GRIK4: variants seen among roughly 807,000 people sequenced by gnomAD.
The protein encoded by GRIK4 is glutamate receptor ionotropic, kainate 4.
GRIK4 carries 40 observed loss-of-function variants against 104.9 expected under a neutral mutation model. That is an observed-to-expected ratio of 0.38 (90% CI 0.30 to 0.50). GRIK4 has a LOEUF of 0.50. Among genes scored for constraint, GRIK4 ranks in the 20% least tolerant of loss-of-function variants. GRIK4 has a pLI of 0.93. For synonymous variants in GRIK4, 485 were observed against 524.9 expected (o/e 0.92, Z 1.04); for missense variants, 1,047 against 1,308.1 (o/e 0.80, Z 3.08).
At chr11:120,753,733 G>C (rs1565333051) in intron 3 of GRIK4, among the ~76,000 whole-genome samples, 1 of 152,156 alleles carries the variant, frequency 6.6e-6, no homozygotes, top group South Asian at 2.1e-4. Flanking sequence ...AGAGGCTTGA[G>C]AATAACGAAG....
intron 19 of GRIK4, among the ~76,000 whole-genome samples, chr11:120,978,843 A>G (rs964172550): frequency 1.3e-5 from 2 of 152,184 alleles, no homozygotes; most frequent in Admixed American, 1.3e-4. Flanking sequence ...GAAGAGAGCA[A>G]TGAGCAATGG....
intron 11 of GRIK4, among the ~76,000 whole-genome samples, chr11:120,889,775 TC>T (rs1379424292): frequency 6.6e-6 from 1 of 151,924 alleles, no homozygotes; most frequent in Non-Finnish European, 1.5e-5. Context: ...TGATTAATTT[TC>T]TGTTTTTAGT....
chr11:120,911,386 G>A (rs1380667551), intron 13 of GRIK4, among the ~76,000 whole-genome samples: 11 of 149,650 alleles, frequency 7.4e-5, no homozygotes, highest in East Asian at 2.0e-4. Flanking sequence ...CTACAGGCGC[G>A]CGCCACCATG....
chr11:120,573,803 C>G (rs1948437059), intron 1 of GRIK4, among the ~76,000 whole-genome samples: 1 of 152,160 alleles, frequency 6.6e-6, no homozygotes, highest in Non-Finnish European at 1.5e-5. Flanking sequence ...GCTCAGGGAC[C>G]CTCTCCCAGC....
intron 3 of GRIK4, among the ~76,000 whole-genome samples, chr11:120,727,346 T>C (rs1050039622): frequency 6.6e-6 from 1 of 151,980 alleles, no homozygotes; most frequent in African/African-American, 2.4e-5. Context: ...CAGATAAAAG[T>C]TGGGGAGGGG....
chr11:120,915,563 G>A (rs935197361), intron 13 of GRIK4, among the ~76,000 whole-genome samples: 12 of 152,000 alleles, frequency 7.9e-5, no homozygotes, highest in Non-Finnish European at 1.2e-4. Flanking sequence ...CCAACCGTGC[G>A]AGCCCAGCCA....
intron 1 of GRIK4, among the ~76,000 whole-genome samples, chr11:120,554,613 C>T (rs901668430): frequency 2.0e-5 from 3 of 151,138 alleles, no homozygotes; most frequent in Non-Finnish European, 2.9e-5. Context: ...GGCTGGAGTT[C>T]AGTGGCGCGA....
intron 3 of GRIK4, among the ~76,000 whole-genome samples, chr11:120,714,834 C>T (rs1284636535): frequency 6.6e-6 from 1 of 152,116 alleles, no homozygotes; most frequent in Non-Finnish European, 1.5e-5. Flanking sequence ...AGGAAGCGGT[C>T]AGATCATAAA....
intron 3 of GRIK4, among the ~76,000 whole-genome samples, chr11:120,699,565 G>A (rs1480658499): frequency 1.3e-5 from 2 of 148,418 alleles, no homozygotes; most frequent in African/African-American, 2.5e-5. Flanking sequence ...GTGTGTGTGT[G>A]TGTGTGTGTG....
chr11:120,680,663 C>T (rs955484554), intron 3 of GRIK4, among the ~76,000 whole-genome samples: 1 of 152,196 alleles, frequency 6.6e-6, no homozygotes, highest in Non-Finnish European at 1.5e-5. Context: ...GGGCCACATA[C>T]TCACTGGCTT....
In GRIK4 at chr11:120,986,198, C is replaced by T. The variant is rs1591361217; in HGVS notation, c.2809C>T (p.Pro937Ser). ...CCAGGGCCTGCGGGCACGGCCGTCG[C>T]CCGCCCGCAGCGAGGAGAGCCTGGA... The part of the protein sequence containing the change: ...RFQGLRARPS[P>S]ARSEESLEWE... The change falls in exon 21 of 21, where the codon CCC becomes TCC. Residue 937 changes from proline to serine, a missense_variant. Transcript: ENST00000527524. 1.3e-6 allele frequency: 2 copies of T among 1,568,564 alleles called. No homozygotes were observed. The highest frequency in any genetic ancestry group is 8.6e-7 in the Non-Finnish European group (1 of 1,167,130).
At chr11:120,557,527 G>A (rs898803354) in intron 1 of GRIK4, among the ~76,000 whole-genome samples, 5 of 152,262 alleles carry the variant, frequency 3.3e-5, no homozygotes, top group South Asian at 2.1e-4. Flanking sequence ...CCTATCTAGC[G>A]CTTCCCTAAA....
intron 1 of GRIK4, among the ~76,000 whole-genome samples, chr11:120,605,079 C>T (rs952056904): frequency 2.6e-5 from 4 of 152,196 alleles, no homozygotes; most frequent in African/African-American, 9.7e-5. Flanking sequence ...CAAGCAACCT[C>T]CCGCCTTGAC....
chr11:120,512,216 C>G (rs998291964), intron 1 of GRIK4, among the ~76,000 whole-genome samples: 32 of 151,898 alleles, frequency 2.1e-4, no homozygotes, highest in Non-Finnish European at 3.7e-4. Context: ...CCCGGGCTCG[C>G]GGTCCTCCCG....
At chr11:120,911,639 C>CT (rs1942998288) in intron 13 of GRIK4, among the ~76,000 whole-genome samples, 1 of 149,002 alleles carries the variant, frequency 6.7e-6, no homozygotes, top group African/African-American at 2.4e-5. Context: ...GTCAGGAGTT[C>CT]AAGACCAGCC....
At chr11:120,741,338 G>A (rs1951331134) in intron 3 of GRIK4, among the ~76,000 whole-genome samples, 1 of 147,582 alleles carries the variant, frequency 6.8e-6, no homozygotes, top group Admixed American at 6.8e-5. Context: ...GAGTGCAGCG[G>A]TGCGACCTTG....
intron 16 of GRIK4, among the ~76,000 whole-genome samples, chr11:120,957,591 A>ATTGTGTG (rs553062830): frequency 1.5e-5 from 2 of 136,436 alleles, no homozygotes; most frequent in African/African-American, 2.9e-5. Flanking sequence ...GACAAAACAA[A>ATTGTGTG]TGTGTGTGTG....
intron 3 of GRIK4, among the ~76,000 whole-genome samples, chr11:120,710,471 A>G (rs1950712456): frequency 6.6e-6 from 1 of 152,104 alleles, no homozygotes; most frequent in South Asian, 2.1e-4. Context: ...CTCTGTAACC[A>G]AGTGCATATA....
At chr11:120,572,067 C>T (rs1373696366) in intron 1 of GRIK4, among the ~76,000 whole-genome samples, 4 of 152,182 alleles carry the variant, frequency 2.6e-5, no homozygotes, top group East Asian at 1.9e-4. Flanking sequence ...AAGATGCCGG[C>T]GGATCCAGGG....
Sources: allele counts gnomAD v4.1 joint callset (sites outside exome capture counted in the v4.1 genomes callset), GRCh38; gene constraint gnomAD v4.1.1; transcripts MANE v1.5; gene names NCBI Gene and HGNC (gene_info 2026-07-23, HGNC 2026-07-21).